MYOM2: variants seen among roughly 807,000 people sequenced by gnomAD.
MYOM2 encodes the protein myomesin-2.
In MYOM2, 254 loss-of-function variants were observed where a neutral mutation model predicts 187.6. The observed-to-expected ratio is 1.35, with a 90% CI of 1.22 to 1.50. The LOEUF is 1.50. Ranked by LOEUF, MYOM2 falls within the 40% of genes most tolerant of loss-of-function variation. The pLI, the probability that MYOM2 is intolerant of heterozygous loss-of-function variation, is 0.00. For missense variants in MYOM2, 2,796 were observed against 1,924.0 expected (o/e 1.45, Z -8.48); for synonymous variants, 981 against 753.8 (o/e 1.30, Z -4.94).
At chr8:2,110,368 C>G (rs1331577308) in intron 25 of MYOM2, among the ~76,000 whole-genome samples, 1 of 152,178 alleles carries the variant, frequency 6.6e-6, no homozygotes, top group African/African-American at 2.4e-5. Context: ...GGTCCAGACA[C>G]CGCCTCGGTT....
At chr8:2,116,385 T>A (rs1253028563) in intron 27 of MYOM2, 110 bp downstream of exon 27, 3 of 1,048,974 alleles carry the variant, frequency 2.9e-6, no homozygotes, top group Non-Finnish European at 4.1e-6. Flanking sequence ...CTAAAGGCTG[T>A]TTTAAATGAT....
chr8:2,108,639 C>T (rs1291042793), intron 23 of MYOM2, 147 bp from the exon 24 acceptor site: 1 of 769,102 alleles, frequency 1.3e-6, no homozygotes, highest in East Asian at 2.5e-5. Context: ...TCCTCTATGT[C>T]CCTCAGACTT....
intron 19 of MYOM2, chr8:2,100,535 T>C: frequency 3.8e-6 from 1 of 261,898 alleles, no homozygotes; most frequent in East Asian, 8.0e-5. Flanking sequence ...GACTGCCAGG[T>C]GTCCAGCCCC....
intron 21 of MYOM2, among the ~76,000 whole-genome samples, chr8:2,105,586 A>T (rs1437721245): frequency 6.6e-6 from 1 of 152,164 alleles, no homozygotes; most frequent in Non-Finnish European, 1.5e-5. Context: ...TTCCAGAGAG[A>T]ACAGGATCTT....
At chr8:2,062,070 G>A (rs1409992808) in intron 6 of MYOM2, among the ~76,000 whole-genome samples, 1 of 152,220 alleles carries the variant, frequency 6.6e-6, no homozygotes, top group African/African-American at 2.4e-5. Flanking sequence ...GGCCAGTAGA[G>A]GACCCAGAGC....
chr8:2,136,323 C>T (rs1026790658), intron 32 of MYOM2, among the ~76,000 whole-genome samples: 2 of 151,692 alleles, frequency 1.3e-5, no homozygotes, highest in Admixed American at 1.3e-4. Flanking sequence ...TTACCCTGAT[C>T]CCAGGGTGGC....
chr8:2,138,746 C>T (rs1472391199), intron 32 of MYOM2, among the ~76,000 whole-genome samples: 1 of 141,870 alleles, frequency 7.0e-6, no homozygotes, highest in African/African-American at 2.6e-5. Flanking sequence ...TTGAGCATGT[C>T]TTCTTGGATT....
chr8:2,062,994 A>G (rs1818900744), intron 6 of MYOM2, among the ~76,000 whole-genome samples: 3 of 152,234 alleles, frequency 2.0e-5, no homozygotes. Context: ...GAATACCACA[A>G]GTCAATGATC....
In MYOM2 at chr8:2,086,325, G is replaced by T. The variant is rs1355526780; in HGVS notation, c.1644+935G>T. On this transcript the variant is annotated intron_variant, in intron 14 of 36. Transcript: ENST00000262113. ...GTGGCCCCCCACAGTCGTGATCTCT[G>T]CGTGGCCCCCCACTGTTGTGATCTC... Among the ~76,000 whole-genome samples the T allele has an allele frequency of 7.5e-5, 6 of 80,010 alleles. 1 individual carries two copies. Among genetic ancestry groups the T allele is most frequent in the Admixed American group, 4.1e-4 (3 of 7,346 alleles). The allele number at this position is 80,010 out of a possible 152,430, so 52.5% of individuals were successfully genotyped here.
intron 19 of MYOM2, 129 bp from the exon 20 acceptor site, chr8:2,100,746 TG>T: frequency 1.2e-6 from 1 of 829,716 alleles, no homozygotes; most frequent in Non-Finnish European, 1.9e-6. Context: ...AAACATCAGA[TG>T]GGGAACAGAT....
At chr8:2,050,110 C>T (rs766116351) in intron 1 of MYOM2, among the ~76,000 whole-genome samples, 4 of 152,164 alleles carry the variant, frequency 2.6e-5, no homozygotes, top group Non-Finnish European at 2.9e-5. Flanking sequence ...GGCAGACACC[C>T]GCCACCTCCG....
intron 6 of MYOM2, among the ~76,000 whole-genome samples, chr8:2,066,861 A>G (rs1051740961): frequency 5.3e-5 from 8 of 152,232 alleles, no homozygotes; most frequent in Non-Finnish European, 1.2e-4. Flanking sequence ...ATCTGGAAAT[A>G]GGACAGCAGC....
Position 2,143,225 on chromosome 8 carries a change from G to A in MYOM2, c.4025-176G>A, listed in dbSNP as rs1237956301. 6 of 706,262 alleles carry A rather than the reference G, an allele frequency of 8.5e-6. No homozygotes were observed. The African/African-American group carries it at 1.1e-4, about 12-fold the overall frequency. The allele number at this position is 706,262 out of a possible 1,614,324, so 43.7% of individuals were successfully genotyped here. On this transcript the variant is annotated intron_variant, in intron 35 of 36. Transcript: ENST00000262113. The stretch of plus-strand genomic sequence containing the variant: ...GTTATCTCCTCATCTACCTTCCCTT[G>A]GCTTTGGTTTATCCCTCAACTGTAA...
chr8:2,097,220 T>C (rs1003028829), intron 18 of MYOM2: 4 of 477,056 alleles, frequency 8.4e-6, no homozygotes, highest in Admixed American at 6.4e-5. Flanking sequence ...ATAATATATG[T>C]TAATATTTTA....
chr8:2,058,665 T>TG (rs1818753316), intron 5 of MYOM2, among the ~76,000 whole-genome samples: 1 of 152,204 alleles, frequency 6.6e-6, no homozygotes, highest in Admixed American at 6.5e-5. Flanking sequence ...TGAGGTTCTT[T>TG]GGAAGACAGG....
chr8:2,086,621 G>A (rs1045492288), intron 14 of MYOM2, among the ~76,000 whole-genome samples: 4 of 152,230 alleles, frequency 2.6e-5, no homozygotes, highest in African/African-American at 9.6e-5. Context: ...TAGGGCTGTG[G>A]TCACACGGCA....
At position 2,106,588 on chromosome 8, in the gene MYOM2, G is replaced by A. The variant is rs748665683; in HGVS notation, c.2989G>A (p.Asp997Asn). ...CGGAGTGTCCTCCAGTTTTGTTCTG[G>A]ACCCAGAAGGTAATATTTATATGGC... ...TDGVSSSFVL[D>N]PEELERLMAL... The change falls in exon 23 of 37, where the codon GAC becomes AAC. Residue 997 changes from aspartate to asparagine, a missense_variant. Transcript: ENST00000262113. The A allele has an allele frequency of 1.2e-5, 19 of 1,600,946 alleles. No homozygotes were observed. In the African/African-American group the frequency reaches 2.4e-4, roughly 20 times the overall value.
intron 21 of MYOM2, among the ~76,000 whole-genome samples, chr8:2,105,710 G>T (rs929176616): frequency 6.6e-6 from 1 of 152,100 alleles, no homozygotes; most frequent in Non-Finnish European, 1.5e-5. Context: ...AAACAACCAA[G>T]CCCCTCCAGG....
At chr8:2,112,115 G>A (rs1440224619) in intron 25 of MYOM2, among the ~76,000 whole-genome samples, 1 of 152,148 alleles carries the variant, frequency 6.6e-6, no homozygotes, top group Admixed American at 6.5e-5. Context: ...CACCTACCCT[G>A]TACATCACCT....
Sources: gnomAD v4.1 joint callset for allele counts (sites outside exome capture counted in the v4.1 genomes callset) on GRCh38, gnomAD v4.1.1 for gene constraint, MANE v1.5 for transcripts, NCBI Gene and HGNC (gene_info 2026-07-23, HGNC 2026-07-21) for gene names.